Variants in EXOC6 observed in about 807,000 individuals in gnomAD.
EXOC6 encodes exocyst complex component 6.
EXOC6 carries 60 observed loss-of-function variants against 112.5 expected under a neutral mutation model. The observed-to-expected ratio is 0.53, with a 90% CI of 0.43 to 0.66. The LOEUF (loss-of-function observed/expected upper bound fraction) is 0.66, where lower values mean the gene tolerates loss of function less well. Among genes scored for constraint, EXOC6 ranks in the 30% least tolerant of loss-of-function variants. The pLI, the probability that EXOC6 is intolerant of heterozygous loss-of-function variation, is 0.00. For missense variants in EXOC6, 855 were observed against 957.1 expected (o/e 0.89, Z 1.41); for synonymous variants, 295 against 308.0 (o/e 0.96, Z 0.44).
intron 11 of EXOC6, 149 bp from the exon 12 acceptor site, chr10:92,935,665 G>T: frequency 1.6e-6 from 1 of 642,448 alleles, no homozygotes; most frequent in Non-Finnish European, 2.7e-6. Context: ...AAGGTCTGTT[G>T]TGAATCTAAC....
intron 17 of EXOC6, among the ~76,000 whole-genome samples, chr10:92,962,799 T>C (rs1854084289): frequency 1.3e-5 from 2 of 152,172 alleles, no homozygotes; most frequent in African/African-American, 4.8e-5. Flanking sequence ...TACAAACAAA[T>C]AACAACAGTG....
chr10:93,030,999 G>GA (rs1436678631), intron 20 of EXOC6, among the ~76,000 whole-genome samples: 1 of 152,146 alleles, frequency 6.6e-6, no homozygotes, highest in African/African-American at 2.4e-5. Flanking sequence ...AAAATAGGAT[G>GA]AAAAAATGCT....
chr10:92,840,646 G>A (rs1490993886), intron 1 of EXOC6, among the ~76,000 whole-genome samples: 1 of 151,572 alleles, frequency 6.6e-6, no homozygotes, highest in African/African-American at 2.4e-5. Flanking sequence ...AATAATAATC[G>A]CATATATTTA....
At chr10:92,998,150 T>C (rs1843581315) in intron 19 of EXOC6, among the ~76,000 whole-genome samples, 1 of 152,206 alleles carries the variant, frequency 6.6e-6, no homozygotes, top group Non-Finnish European at 1.5e-5. Context: ...ATGTTGATGT[T>C]AGTCAATCAG....
intron 20 of EXOC6, among the ~76,000 whole-genome samples, chr10:93,045,756 A>G (rs922340521): frequency 6.6e-6 from 1 of 152,266 alleles, no homozygotes; most frequent in African/African-American, 2.4e-5. Context: ...AAGTCATTAC[A>G]TAACTACTTG....
intron 20 of EXOC6, among the ~76,000 whole-genome samples, chr10:93,054,766 G>T (rs1846466128): frequency 6.6e-6 from 1 of 152,202 alleles, no homozygotes; most frequent in African/African-American, 2.4e-5. Flanking sequence ...TGCTGACACT[G>T]TGCATTGCAC....
At chr10:92,939,945 G>A (rs1852563777) in intron 12 of EXOC6, among the ~76,000 whole-genome samples, 1 of 152,092 alleles carries the variant, frequency 6.6e-6, no homozygotes, top group African/African-American at 2.4e-5. Context: ...TGAAGGGAGT[G>A]ACAGAGGCAG....
chr10:93,019,146 G>A (rs2478233), intron 20 of EXOC6, among the ~76,000 whole-genome samples: 19,689 of 152,010 alleles, frequency 0.13, 1,437 homozygotes, highest in African/African-American at 0.18. Flanking sequence ...AGACTGGCTA[G>A]TTTTTGTATT....
intron 20 of EXOC6, among the ~76,000 whole-genome samples, chr10:93,017,609 T>C (rs1181935713): frequency 2.6e-5 from 4 of 151,640 alleles, no homozygotes; most frequent in Admixed American, 6.6e-5. Context: ...ACACTACATA[T>C]TGGGTACAAT....
At chr10:93,028,980 T>TA (rs895436281) in intron 20 of EXOC6, among the ~76,000 whole-genome samples, 1 of 152,178 alleles carries the variant, frequency 6.6e-6, no homozygotes, top group African/African-American at 2.4e-5. Context: ...GCTTCAGAGA[T>TA]ACCTTTTGTG....
At chr10:92,877,810 A>G (rs1273221062) in intron 1 of EXOC6, among the ~76,000 whole-genome samples, 6 of 152,176 alleles carry the variant, frequency 3.9e-5, no homozygotes, top group Non-Finnish European at 5.9e-5. Flanking sequence ...TTAAATATAT[A>G]TGTATATTAC....
rs1851348367 is a variant in EXOC6, at chr10:92,920,156, T to C, written c.888+106T>C. The C allele has an allele frequency of 1.2e-5, 8 of 650,036 alleles. No individual in the cohort carries two copies. The Admixed American group carries it at 1.8e-4, about 15-fold the overall frequency. The allele number at this position is 650,036 out of a possible 1,614,324, so 40.3% of individuals were successfully genotyped here. ...TCATATGCTGTAAATCTTCACATAA[T>C]TCTTTGTGAAATATCCACTCTGTGT... On this transcript the variant is annotated intron_variant, in intron 8 of 21. Transcript: ENST00000260762.
chr10:92,989,349 G>A lies in EXOC6; in HGVS notation c.1954-8125G>A, dbSNP rs536270813. On this transcript the variant is annotated intron_variant, in intron 18 of 21. Coordinates refer to ENST00000260762, the MANE Select transcript of EXOC6 (RefSeq NM_019053.6). Reference sequence around the variant, plus strand: ...GAATACTTTCTAGTTTTGAAGTGAAGGTGCAATCTATTATTCTCAGGCAGA... The same window carrying A: ...GAATACTTTCTAGTTTTGAAGTGAAAGTGCAATCTATTATTCTCAGGCAGA... Among the ~76,000 whole-genome samples, 15 of 152,214 alleles carry A rather than the reference G, an allele frequency of 9.9e-5. No homozygotes were observed. The South Asian group carries it at 3.1e-3, about 32-fold the overall frequency.
At chr10:92,871,568 AG>A (rs1848448669) in intron 1 of EXOC6, among the ~76,000 whole-genome samples, 1 of 151,176 alleles carries the variant, frequency 6.6e-6, no homozygotes, top group African/African-American at 2.4e-5. Flanking sequence ...GCACTTTGGG[AG>A]GCCAAGGCTG....
intron 9 of EXOC6, among the ~76,000 whole-genome samples, chr10:92,931,729 C>T (rs1329695584): frequency 6.6e-6 from 1 of 151,686 alleles, no homozygotes. Context: ...AAATTAAAAC[C>T]ACAATAAGAT....
chr10:92,936,693 C>T (rs945245840), intron 12 of EXOC6, among the ~76,000 whole-genome samples: 1 of 152,164 alleles, frequency 6.6e-6, no homozygotes, highest in East Asian at 1.9e-4. Flanking sequence ...GCAATATCAC[C>T]GGCAAGTTGT....
chr10:92,943,985 A>G lies in EXOC6; in HGVS notation c.1310+3161A>G, dbSNP rs578092539. Among the ~76,000 whole-genome samples the G allele has an allele frequency of 7.9e-5, 12 of 152,276 alleles. No individual in the cohort carries two copies. In the South Asian group the frequency reaches 2.5e-3, roughly 32 times the overall value. On this transcript the variant is annotated intron_variant, in intron 13 of 21. Transcript: ENST00000260762. ...TGTGACTGTTTTAGATTCCTCATAT[A>G]AGTGAGATTATGCAGTATTTGACTT...
At position 92,895,011 on chromosome 10, in the gene EXOC6, T is replaced by C. The variant is rs757587588; in HGVS notation, c.403T>C (p.Cys135Arg). 5.0e-6 allele frequency: 8 copies of C among 1,601,450 alleles called. No homozygotes were observed. The highest frequency in any genetic ancestry group is 3.4e-6 in the Non-Finnish European group (4 of 1,168,814). Residue 135 changes from cysteine (C) to arginine (R), a missense_variant, in exon 4 of 22, where the codon TGC becomes CGC. Transcript: ENST00000260762. ...AACTGTAGTAGAAAAATTGCAGTTATGCCTTCCTGGTGAGTTAAACTTGTC... is the reference window on the plus strand; with the variant it reads ...AACTGTAGTAGAAAAATTGCAGTTACGCCTTCCTGGTGAGTTAAACTTGTC... The part of the protein sequence containing the change: ...ITTVVEKLQL[C>R]LPVLEMYSKL...
At chr10:93,047,822 T>C (rs1846074358) in intron 20 of EXOC6, among the ~76,000 whole-genome samples, 1 of 152,104 alleles carries the variant, frequency 6.6e-6, no homozygotes, top group Non-Finnish European at 1.5e-5. Context: ...GGCGTGTTCC[T>C]GTAATCCCAG....
Sources: gnomAD v4.1 joint callset for allele counts (sites outside exome capture counted in the v4.1 genomes callset) on GRCh38, gnomAD v4.1.1 for gene constraint, MANE v1.5 for transcripts, NCBI Gene and HGNC (gene_info 2026-07-23, HGNC 2026-07-21) for gene names.